Variants in CERS3 observed in about 807,000 individuals in gnomAD.
CERS3 encodes the protein ceramide synthase 3, also known as LAG1 homolog, ceramide synthase 3.
Under a neutral mutation model 50.3 loss-of-function variants are expected in CERS3, and 33 were observed. That is an observed-to-expected ratio of 0.66 (90% CI 0.50 to 0.88). The LOEUF (loss-of-function observed/expected upper bound fraction) is 0.88, where lower values mean the gene tolerates loss of function less well. Among genes scored for constraint, CERS3 ranks in the 40% least tolerant of loss-of-function variants. The pLI is 0.00. For missense variants in CERS3, 470 were observed against 460.3 expected (o/e 1.02, Z -0.19); for synonymous variants, 176 against 155.2 (o/e 1.13, Z -0.99).
At chr15:100,490,973 T>C (rs765899073) in intron 3 of CERS3, 42 bp from the exon 4 acceptor site, 2 of 1,150,992 alleles carry the variant, frequency 1.7e-6, no homozygotes, top group Non-Finnish European at 2.6e-6. Flanking sequence ...AATCTAAGAA[T>C]AAATCCACGA....
intron 11 of CERS3, among the ~76,000 whole-genome samples, chr15:100,418,147 C>A (rs1462910810): frequency 6.6e-6 from 1 of 151,880 alleles, no homozygotes; most frequent in African/African-American, 2.4e-5. Flanking sequence ...TACGGGAGGA[C>A]ATTCAAACCA....
intron 11 of CERS3, among the ~76,000 whole-genome samples, chr15:100,410,071 C>T (rs2031361208): frequency 6.6e-6 from 1 of 152,290 alleles, no homozygotes; most frequent in African/African-American, 2.4e-5. Context: ...TAGTATTCCA[C>T]TGAACTTTCT....
intron 11 of CERS3, among the ~76,000 whole-genome samples, chr15:100,429,332 G>A (rs1383340498): frequency 1.3e-5 from 2 of 152,194 alleles, no homozygotes; most frequent in African/African-American, 4.8e-5. Context: ...GGGAAACTCT[G>A]GAGGCTATCG....
At chr15:100,466,780 C>T (rs866390683) in intron 10 of CERS3, among the ~76,000 whole-genome samples, 9 of 22,884 alleles carry the variant, frequency 3.9e-4, no homozygotes, top group African/African-American at 8.4e-4. Flanking sequence ...TTCCTTCCTT[C>T]CTTCCTTCCT....
intron 11 of CERS3, among the ~76,000 whole-genome samples, chr15:100,442,041 G>A (rs1410343255): frequency 6.6e-6 from 1 of 152,116 alleles, no homozygotes; most frequent in Non-Finnish European, 1.5e-5. Flanking sequence ...CCGGCTTACA[G>A]TTTTGTTCCA....
intron 11 of CERS3, among the ~76,000 whole-genome samples, chr15:100,444,227 A>T (rs910462594): frequency 1.3e-5 from 2 of 152,176 alleles, no homozygotes; most frequent in South Asian, 4.1e-4. Flanking sequence ...TACAGCTCTC[A>T]TAACTTCCAA....
At chr15:100,409,293 G>T (rs534009564) in intron 11 of CERS3, among the ~76,000 whole-genome samples, 1 of 152,128 alleles carries the variant, frequency 6.6e-6, no homozygotes, top group Non-Finnish European at 1.5e-5. Flanking sequence ...ACACGGACAT[G>T]TTCTACATTC....
chr15:100,531,337 A>T (rs1320884718), upstream of CERS3, among the ~76,000 whole-genome samples: 3 of 152,192 alleles, frequency 2.0e-5, no homozygotes, highest in Non-Finnish European at 4.4e-5. Context: ...AGATGTAAAA[A>T]TGAGGCTATT....
intron 3 of CERS3, among the ~76,000 whole-genome samples, chr15:100,497,794 T>C (rs900078186): frequency 1.6e-4 from 24 of 151,560 alleles, no homozygotes; most frequent in African/African-American, 5.8e-4. Context: ...ACTACAGTCC[T>C]CTTTGTTAAC....
chr15:100,441,553 CCTT>C (rs1355608325), intron 11 of CERS3, among the ~76,000 whole-genome samples: 1 of 152,012 alleles, frequency 6.6e-6, no homozygotes, highest in African/African-American at 2.4e-5. Flanking sequence ...CTCCATTCCC[CCTT>C]CTTCTCCCTT....
chr15:100,450,507 T>A (rs2034123090), intron 11 of CERS3, among the ~76,000 whole-genome samples: 1 of 142,072 alleles, frequency 7.0e-6, no homozygotes, highest in Non-Finnish European at 1.5e-5. Flanking sequence ...CTCCATTAGA[T>A]AAAAATAAAG....
At chr15:100,518,347 G>A (rs1346284786) in intron 2 of CERS3, among the ~76,000 whole-genome samples, 1 of 151,338 alleles carries the variant, frequency 6.6e-6, no homozygotes, top group Non-Finnish European at 1.5e-5. Flanking sequence ...GAGAAGGACA[G>A]AGAGAGAGAG....
intron 11 of CERS3, among the ~76,000 whole-genome samples, chr15:100,422,908 G>C (rs1270825421): frequency 1.5e-5 from 2 of 137,102 alleles, no homozygotes; most frequent in Non-Finnish European, 3.1e-5. Context: ...ACACAGGAAG[G>C]GGAATATCAC....
intron 11 of CERS3, among the ~76,000 whole-genome samples, chr15:100,405,248 AC>A (rs774275179): frequency 0.081 from 3,381 of 41,990 alleles, 92 homozygotes; most frequent in African/African-American, 0.16. Context: ...AAAAAAAAAA[AC>A]AAAAAAAAAC....
chr15:100,482,438 T>C (rs2035335212), intron 5 of CERS3, among the ~76,000 whole-genome samples: 1 of 151,884 alleles, frequency 6.6e-6, no homozygotes. Flanking sequence ...ACTGCATGGA[T>C]CAGATGAGGG....
At chr15:100,456,068 A>G (rs763834150) in intron 10 of CERS3, 22 bp from the exon 11 acceptor site, 18 of 1,578,920 alleles carry the variant, frequency 1.1e-5, no homozygotes, top group Non-Finnish European at 1.3e-5. Context: ...AACAGTTGAG[A>G]GAATTTCATT....
At position 100,402,101 on chromosome 15, in the gene CERS3, G is replaced by A. The variant is rs1220808826; in HGVS notation, c.*612C>T. On this transcript the variant is annotated 3_prime_UTR_variant, in exon 12 of 12. Coordinates refer to ENST00000679737, the MANE Select transcript of CERS3 (RefSeq NM_001378789.1). ...TCTCCCAAACAGTGCAAAGTGGGTT[G>A]GTTCACGATGACCCCACGGTTGACA... The A allele has an allele frequency of 6.6e-6, 1 of 152,266 alleles. No individual in the cohort carries two copies. The highest frequency in any genetic ancestry group is 1.5e-5 in the Non-Finnish European group (1 of 68,120). 9.4% of individuals were successfully genotyped at this position (152,266 alleles called of 1,614,324 possible).
At chr15:100,407,845 C>T (rs749310250) in intron 11 of CERS3, among the ~76,000 whole-genome samples, 6 of 151,992 alleles carry the variant, frequency 3.9e-5, no homozygotes, top group African/African-American at 7.3e-5. Flanking sequence ...AATGCAACAC[C>T]ATTTTATTTA....
Position 100,483,788 on chromosome 15 carries a change from T to TTATTA in CERS3, c.407+761_407+762insTAATA, listed in dbSNP as rs1555530335. On this transcript the variant is annotated intron_variant, in intron 5 of 11. Transcript: ENST00000679737. ...ATAATAATAATAATTATTATTATTA[T>TTATTA]TTTTTTTTTTGAGACAGAGTCTTGC... Among the ~76,000 whole-genome samples the TTATTA allele has an allele frequency of 5.6e-5, 2 of 35,936 alleles. 1 individual carries two copies. Among genetic ancestry groups the TTATTA allele is most frequent in the Non-Finnish European group, 1.1e-4 (2 of 18,600 alleles). 23.6% of individuals were successfully genotyped at this position (35,936 alleles called of 152,430 possible).
Sources: allele counts gnomAD v4.1 joint callset (sites outside exome capture counted in the v4.1 genomes callset), GRCh38; gene constraint gnomAD v4.1.1; transcripts MANE v1.5; gene names NCBI Gene and HGNC (gene_info 2026-07-23, HGNC 2026-07-21).